The following FAM228B variants were observed in gnomAD, a reference collection of about 807,000 sequenced individuals.
FAM228B encodes protein FAM228B.
A neutral mutation model predicts 42.6 loss-of-function variants in FAM228B; 38 were observed. The observed-to-expected ratio is 0.89, with a 90% CI of 0.69 to 1.17. The LOEUF is 1.17. Ranked by LOEUF, FAM228B falls within the 50% of genes most tolerant of loss-of-function variation. FAM228B has a pLI of 0.00. For missense variants in FAM228B, 344 were observed against 367.3 expected (o/e 0.94, Z 0.52); for synonymous variants, 109 against 122.3 (o/e 0.89, Z 0.72).
chr2:24,160,169 T>A (rs900508773), intron 7 of FAM228B, among the ~76,000 whole-genome samples: 61 of 152,202 alleles, frequency 4.0e-4, no homozygotes, highest in African/African-American at 1.4e-3. Flanking sequence ...TTTGTATTTT[T>A]AGTAGAGATG....
At chr2:24,106,966 C>G (rs925165328) in intron 3 of FAM228B, among the ~76,000 whole-genome samples, 4 of 152,120 alleles carry the variant, frequency 2.6e-5, no homozygotes, top group African/African-American at 2.4e-5. Flanking sequence ...ATACCTCAAT[C>G]AAAAGGCACA....
rs1340267663 is a variant in FAM228B at position 24,138,074 on chromosome 2, G to A, written c.334G>A (p.Gly112Ser). 5 of 1,533,468 alleles carry A rather than the reference G, an allele frequency of 3.3e-6. No homozygotes were observed. The highest frequency in any genetic ancestry group is 2.2e-5 in the Admixed American group (1 of 44,930). The allele number at this position is 1,533,468 out of a possible 1,614,324, so 95.0% of individuals were successfully genotyped here. A position where few individuals can be genotyped will look rare whatever the true frequency, so the allele number is the denominator to read the frequency against. ...IKKRRQGELD[G>S]FLKHVNKKGN... is the part of the protein sequence containing the mutation. The stretch of plus-strand genomic sequence containing the variant: ...AAAAAGGAGGCAAGGGGAATTAGAT[G>A]GCTTTTTAAAACATGTAAATAAAAA... The change falls in exon 4 of 11, where the codon GGC (glycine) becomes AGC (serine). Residue 112 changes from glycine (G) to serine (S), a missense_variant. Transcript: ENST00000615575.
At chr2:24,105,275 C>T (rs988909039) in intron 3 of FAM228B, among the ~76,000 whole-genome samples, 4 of 152,172 alleles carry the variant, frequency 2.6e-5, no homozygotes, top group African/African-American at 2.4e-5. Flanking sequence ...TAAGGGAGCT[C>T]CATGGACCAG....
intron 3 of FAM228B, among the ~76,000 whole-genome samples, chr2:24,100,698 A>T (rs1665590161): frequency 4.6e-5 from 7 of 152,248 alleles, no homozygotes; most frequent in Admixed American, 4.6e-4. Flanking sequence ...TGTGGAAGGC[A>T]GTGTGGCAAT....
At position 24,082,915 on chromosome 2, in the gene FAM228B, G is replaced by C. The variant is rs370139617; in HGVS notation, c.-210+1960G>C. 4.1e-5 allele frequency: 66 copies of C among 1,612,066 alleles called. No individual in the cohort carries two copies. In the Middle Eastern group the frequency reaches 5.8e-4, roughly 14 times the overall value. On this transcript the variant is annotated intron_variant, in intron 2 of 10. Coordinates refer to the FAM228B transcript ENST00000613899. ...AGATGTAACAGCTGGAAGGCGGTGA[G>C]CCAGGCCTCTGGGATGGCTGCAGCC... is the stretch of plus-strand genomic sequence containing the variant.
intron 2 of FAM228B, among the ~76,000 whole-genome samples, chr2:24,125,636 A>C (rs866526104): frequency 6.6e-6 from 1 of 151,620 alleles, no homozygotes; most frequent in Admixed American, 6.6e-5. Flanking sequence ...TCTCGGCTCA[A>C]TGCAACCTCT....
In FAM228B at chr2:24,084,169, C is replaced by A; in HGVS notation, c.-210+3214C>A. The A allele has an allele frequency of 6.3e-7, 1 of 1,598,874 alleles. No individual in the cohort carries two copies. Among genetic ancestry groups the A allele is most frequent in the Non-Finnish European group, 8.5e-7 (1 of 1,173,922 alleles). On this transcript the variant is annotated intron_variant, in intron 2 of 10. Coordinates refer to the FAM228B transcript ENST00000613899. This position sits in a 1 kb window ranked among gnomAD's most constrained non-coding sequence, Gnocchi z 8.4. ...GGCTCTGGAGTCCCGCCCGCCCCGG[C>A]GCGGCTGAGCCCTGGGTACCTGCAT...
In FAM228B at chr2:24,084,085, T is replaced by G; in HGVS notation, c.-210+3130T>G. The stretch of plus-strand genomic sequence containing the variant: ...AGCCCCAGCGCAGCTGCCTGCTGGG[T>G]GTGGAGCGGTGCACGCCTTCACGTC... On this transcript the variant is annotated intron_variant, in intron 2 of 10. Coordinates refer to the FAM228B transcript ENST00000613899. The surrounding 1 kb of genome is among the most constrained non-coding windows in gnomAD (Gnocchi z 8.4). 6.9e-7 allele frequency: 1 copy of G among 1,451,628 alleles called. No individual in the cohort carries two copies. Among genetic ancestry groups the G allele is most frequent in the Non-Finnish European group, 9.1e-7 (1 of 1,101,814 alleles). The allele number at this position is 1,451,628 out of a possible 1,614,324, so 89.9% of individuals were successfully genotyped here. A position where few individuals can be genotyped will look rare whatever the true frequency, so the allele number is the denominator to read the frequency against.
At position 24,084,385 on chromosome 2, in the gene FAM228B, A is replaced by AGGGCAGGG; in HGVS notation, c.-210+3430_-210+3431insGGGCAGGG. The stretch of plus-strand genomic sequence containing the variant: ...ACAGGACAGGGCAGGGCAGGGCAGG[A>AGGGCAGGG]CAGGACAGGGCAGGGCAGGACAGGA... On this transcript the variant is annotated intron_variant, in intron 2 of 10. Coordinates refer to the FAM228B transcript ENST00000613899. This position sits in a 1 kb window ranked among gnomAD's most constrained non-coding sequence, Gnocchi z 8.4. 7.5e-7 allele frequency: 1 copy of AGGGCAGGG among 1,330,356 alleles called. No individual in the cohort carries two copies. The highest frequency in any genetic ancestry group is 2.3e-5 in the East Asian group (1 of 43,004). 82.4% of individuals were successfully genotyped at this position (1,330,356 alleles called of 1,614,324 possible).
At chr2:24,150,271 A>G (rs373436479) in intron 7 of FAM228B, among the ~76,000 whole-genome samples, 2 of 152,060 alleles carry the variant, frequency 1.3e-5, no homozygotes, top group African/African-American at 2.4e-5. Context: ...TTAGCATTTC[A>G]TATAGGATAG....
At chr2:24,103,961 G>A (rs1392979998) in intron 3 of FAM228B, among the ~76,000 whole-genome samples, 1 of 152,228 alleles carries the variant, frequency 6.6e-6, no homozygotes, top group African/African-American at 2.4e-5. Flanking sequence ...AATTGGGGGT[G>A]GGGCCGAGAT....
chr2:24,164,284 G>A lies in FAM228B; in HGVS notation c.881G>A (p.Gly294Glu). Reference protein sequence around the residue: ...NPSAKEAISEGYFSSLSLSQE... With the variant: ...NPSAKEAISEEYFSSLSLSQE... ...AGTGCCAAAGAGGCCATCTCTGAAG[G>A]GTATTTTTCTTCCTTGAGCCTCAGC... The change falls in exon 9 of 11, where the codon GGG becomes GAG. Residue 294 changes from glycine to glutamate, a missense_variant. Gly to Glu is a moderately conservative substitution (Grantham distance 98). Coordinates refer to ENST00000615575, the MANE Select transcript of FAM228B (RefSeq NM_001145710.2). 1.3e-6 allele frequency: 2 copies of A among 1,551,338 alleles called. No individual in the cohort carries two copies. The highest frequency in any genetic ancestry group is 1.7e-6 in the Non-Finnish European group (2 of 1,146,796).
At chr2:24,115,940 T>A (rs1448235489) in intron 3 of FAM228B, among the ~76,000 whole-genome samples, 1 of 146,524 alleles carries the variant, frequency 6.8e-6, no homozygotes, top group Non-Finnish European at 1.5e-5. Context: ...GAATAATGCA[T>A]ATGGCTGGGC....
At chr2:24,079,500 G>C (rs1292609698) in intron 1 of FAM228B, 3 of 1,614,136 alleles carry the variant, frequency 1.9e-6, no homozygotes, top group Non-Finnish European at 2.5e-6. Context: ...TTAAAAAGTA[G>C]CTTTGAAAAC....
intron 3 of FAM228B, among the ~76,000 whole-genome samples, chr2:24,098,785 G>C (rs1380143043): frequency 6.6e-6 from 1 of 152,174 alleles, no homozygotes; most frequent in African/African-American, 2.4e-5. Context: ...CATTTCATGA[G>C]GCCAACATCA....
chr2:24,125,246 G>A (rs1221111135), intron 2 of FAM228B, among the ~76,000 whole-genome samples: 2 of 152,000 alleles, frequency 1.3e-5, no homozygotes, highest in East Asian at 1.9e-4. Flanking sequence ...AGCCAGGTGT[G>A]GTAGCATACA....
At chr2:24,081,436 A>G (rs922269284) in intron 2 of FAM228B, among the ~76,000 whole-genome samples, 5 of 152,206 alleles carry the variant, frequency 3.3e-5, no homozygotes, top group African/African-American at 1.2e-4. Flanking sequence ...CAGTCCTTCT[A>G]GAGTCTGAAA....
At chr2:24,132,156 A>C (rs958703173) in intron 2 of FAM228B, among the ~76,000 whole-genome samples, 3 of 152,248 alleles carry the variant, frequency 2.0e-5, no homozygotes, top group African/African-American at 7.2e-5. Flanking sequence ...ATGTGGAACC[A>C]GCCTTGCAAC....
intron 2 of FAM228B, among the ~76,000 whole-genome samples, chr2:24,094,352 G>A (rs1665453173): frequency 6.6e-6 from 1 of 152,136 alleles, no homozygotes; most frequent in Non-Finnish European, 1.5e-5. Context: ...GATTACAGGT[G>A]TGAGCCACTG....
Sources: allele counts gnomAD v4.1 joint callset (sites outside exome capture counted in the v4.1 genomes callset), GRCh38; gene constraint gnomAD v4.1.1; non-coding constraint Gnocchi (gnomAD v3.1); transcripts MANE v1.5; gene names NCBI Gene and HGNC (gene_info 2026-07-23, HGNC 2026-07-21).